The following NSD2 variants were observed in gnomAD, a reference collection of about 807,000 sequenced individuals.
NSD2 encodes nuclear receptor binding SET domain protein 2.
Under a neutral mutation model 139.0 loss-of-function variants are expected in NSD2, and 12 were observed. That is an observed-to-expected ratio of 0.09 (90% CI 0.06 to 0.14). The LOEUF is 0.14. Ranked by LOEUF, NSD2 falls within the 10% of genes least tolerant of loss-of-function variation. NSD2 has a pLI of 1.00. For synonymous variants in NSD2, 669 were observed against 648.7 expected (o/e 1.03, Z -0.48); for missense variants, 1,155 against 1,745.0 (o/e 0.66, Z 6.02).
Position 1,872,591 on chromosome 4 carries a change from TGAGAGAGAGAGAGA to T in NSD2, c.-30+1081_-30+1094del, listed in dbSNP as rs1200688066. On this transcript the variant is annotated intron_variant, in intron 1 of 21. Coordinates refer to ENST00000508803, the MANE Select transcript of NSD2 (RefSeq NM_001042424.3). ...GTGTGTGTGTGTGTGTGTGTGTGTG[TGAGAGAGAGAGAGA>T]GAGAGAGAGAGAGAGAGAGAGAGAG... Among the ~76,000 whole-genome samples the T allele has an allele frequency of 6.1e-3, 273 of 44,900 alleles. 1 individual carries two copies. The highest frequency in any genetic ancestry group is 0.015 in the African/African-American group (218 of 14,382). The allele number at this position is 44,900 out of a possible 152,430, so 29.5% of individuals were successfully genotyped here.
intron 2 of NSD2, 139 bp from the exon 3 acceptor site, chr4:1,904,076 TA>T: frequency 1.0e-6 from 1 of 975,958 alleles, no homozygotes; most frequent in Non-Finnish European, 1.5e-6. Context: ...GGCTATCATC[TA>T]AAACACAGCA....
rs111668967 is a variant in NSD2, at chr4:1,979,994, A to T, written c.*1085A>T. The T allele has an allele frequency of 0.01, 2,383 of 232,896 alleles. 53 individuals are homozygous for T. Among genetic ancestry groups the T allele is most frequent in the African/African-American group, 0.049 (2,247 of 45,424 alleles). The allele number at this position is 232,896 out of a possible 1,614,324, so 14.4% of individuals were successfully genotyped here. ...GGAGTCTAGCTCTCCTGCCACCCAGAGTGGCTTCCATCTCAGCACTCTGTG... is the reference window on the plus strand; with the variant it reads ...GGAGTCTAGCTCTCCTGCCACCCAGTGTGGCTTCCATCTCAGCACTCTGTG... On this transcript the variant is annotated 3_prime_UTR_variant, in exon 22 of 22. Coordinates refer to ENST00000508803, the MANE Select transcript of NSD2 (RefSeq NM_001042424.3).
In NSD2 at chr4:1,974,320, C is replaced by T. The variant is rs1018258177; in HGVS notation, c.3373-543C>T. ...CCGCCTCCCGGGTTCAAGTGATTCT[C>T]CTGCCTCAGCCTCCCGAGTAGCTGA... On this transcript the variant is annotated intron_variant, in intron 18 of 21. Coordinates refer to ENST00000508803, the MANE Select transcript of NSD2 (RefSeq NM_001042424.3). The surrounding 1 kb of genome is among the most constrained non-coding windows in gnomAD (Gnocchi z 4.0). 6.6e-6 allele frequency among the ~76,000 whole-genome samples: 1 copy of T among 152,006 alleles called. No homozygotes were observed. Among genetic ancestry groups the T allele is most frequent in the African/African-American group, 2.4e-5 (1 of 41,378 alleles).
chr4:1,899,029 A>G (rs1196865273), intron 1 of NSD2, among the ~76,000 whole-genome samples: 1 of 152,182 alleles, frequency 6.6e-6, no homozygotes. Flanking sequence ...ACCTTGGGAC[A>G]GTTGGTATGA....
chr4:1,967,656 A>G (rs1318127786), intron 18 of NSD2, among the ~76,000 whole-genome samples: 1 of 152,064 alleles, frequency 6.6e-6, no homozygotes, highest in Admixed American at 6.6e-5. Flanking sequence ...GTTGCCAGAC[A>G]CTGAGGTTTC....
Position 1,981,669 on chromosome 4 carries a change from T to C in NSD2, c.*2760T>C, listed in dbSNP as rs1037365980. The C allele has an allele frequency of 1.3e-5, 5 of 393,310 alleles. No homozygotes were observed. Among genetic ancestry groups the C allele is most frequent in the African/African-American group, 8.2e-5 (4 of 48,564 alleles). 24.4% of individuals were successfully genotyped at this position (393,310 alleles called of 1,614,324 possible). A position where few individuals can be genotyped will look rare whatever the true frequency, so the allele number is the denominator to read the frequency against. Reference sequence around the variant, plus strand: ...CCTTTCTTCCGGCGACACCCGTCCATGGCTGGCTGGGTCCCCTTCGCAGTG... The same window carrying C: ...CCTTTCTTCCGGCGACACCCGTCCACGGCTGGCTGGGTCCCCTTCGCAGTG... On this transcript the variant is annotated 3_prime_UTR_variant, in exon 22 of 22. Transcript: ENST00000508803.
At chr4:1,952,624 C>T (rs1365286011) in intron 11 of NSD2, 1 of 832,728 alleles carries the variant, frequency 1.2e-6, no homozygotes, top group Non-Finnish European at 1.5e-6. Context: ...ACACTGAAGT[C>T]CATAGGAACA....
rs1560805786 is a variant in NSD2 at position 1,973,469 on chromosome 4, G to A, written c.3373-1394G>A. 6.6e-6 allele frequency among the ~76,000 whole-genome samples: 1 copy of A among 152,248 alleles called. No homozygotes were observed. The highest frequency in any genetic ancestry group is 1.5e-5 in the Non-Finnish European group (1 of 68,046). On this transcript the variant is annotated intron_variant, in intron 18 of 21. Coordinates refer to ENST00000508803, the MANE Select transcript of NSD2 (RefSeq NM_001042424.3). This position sits in a 1 kb window ranked among gnomAD's most constrained non-coding sequence, Gnocchi z 5.5. ...TCAGCACCGCGGCTCAGCGCGTCAT[G>A]ACAAAGCATCTGCAGAGGGCAGATG...
intron 5 of NSD2, among the ~76,000 whole-genome samples, chr4:1,920,865 T>TA (rs1384343827): frequency 6.7e-4 from 98 of 145,364 alleles, no homozygotes; most frequent in East Asian, 1.2e-3. Flanking sequence ...ACCCTGTCTC[T>TA]AAAAAAAAAA....
At position 1,956,050 on chromosome 4, in the gene NSD2, A is replaced by G. The variant is rs1432275472; in HGVS notation, c.2743A>G (p.Ile915Val). 1.2e-6 allele frequency: 2 copies of G among 1,614,034 alleles called. No homozygotes were observed. The highest frequency in any genetic ancestry group is 2.2e-5 in the South Asian group (2 of 91,084). ...PPNIQKMKHE[I>V]GEFPVFFFGS... ...AAATATTCAGAAAATGAAGCACGAG[A>G]TTGGAGAATTCCCTGTGTTTTTCTT... Residue 915 changes from isoleucine to valine, a missense_variant, in exon 15 of 22, where the codon ATT becomes GTT. Ile to Val is a conservative substitution (Grantham distance 29). Around this residue, in one of 8 missense-constraint regions of NSD2, gnomAD observed 139 missense variants for 485.8 expected, o/e 0.29. Transcript: ENST00000508803. The surrounding 1 kb of genome is among the most constrained non-coding windows in gnomAD (Gnocchi z 5.3).
chr4:1,978,476 G>A (rs1481335086), intron 21 of NSD2, among the ~76,000 whole-genome samples, 162 bp from the exon 22 acceptor site: 21 of 152,204 alleles, frequency 1.4e-4, no homozygotes, highest in Admixed American at 1.3e-3. Flanking sequence ...CAGGGAGCCC[G>A]CCCGGGCTGT....
intron 8 of NSD2, 111 bp downstream of exon 8, chr4:1,938,643 G>T (rs915241354): frequency 1.2e-6 from 1 of 814,014 alleles, no homozygotes; most frequent in Non-Finnish European, 1.9e-6. Context: ...GGGGAACAGG[G>T]CAGGGGAGGA....
At chr4:1,957,893 A>G in intron 15 of NSD2, 40 bp from the exon 16 acceptor site, 3 of 1,577,832 alleles carry the variant, frequency 1.9e-6, no homozygotes, top group Non-Finnish European at 1.7e-6. Context: ...AGTTACCTGT[A>G]TTTACTAAAA....
At chr4:1,894,417 G>A (rs1169994402) in intron 1 of NSD2, among the ~76,000 whole-genome samples, 1 of 151,936 alleles carries the variant, frequency 6.6e-6, no homozygotes, top group Non-Finnish European at 1.5e-5. Context: ...AAATTTGTTG[G>A]CTGGCTGAGG....
At chr4:1,918,072 G>A in intron 4 of NSD2, 69 bp from the exon 5 acceptor site, 3 of 1,536,110 alleles carry the variant, frequency 2.0e-6, no homozygotes, top group Non-Finnish European at 1.7e-6. Flanking sequence ...TGAATCATGT[G>A]CCTAGGAAAA....
intron 1 of NSD2, among the ~76,000 whole-genome samples, chr4:1,883,434 C>A (rs547921985): frequency 2.4e-4 from 36 of 152,090 alleles, no homozygotes; most frequent in African/African-American, 8.2e-4. Flanking sequence ...GAGTTCAAGA[C>A]CAGCCTGGCC....
At chr4:1,924,028 G>C (rs1720523743) in intron 5 of NSD2, among the ~76,000 whole-genome samples, 1 of 152,154 alleles carries the variant, frequency 6.6e-6, no homozygotes, top group Admixed American at 6.6e-5. Context: ...TATCCAGGCA[G>C]GAGCCATTAA....
intron 1 of NSD2, among the ~76,000 whole-genome samples, chr4:1,884,235 A>G (rs960124525): frequency 2.0e-5 from 3 of 151,472 alleles, no homozygotes; most frequent in Non-Finnish European, 4.4e-5. Context: ...AGCTGGGACT[A>G]TGGGTGCATG....
chr4:1,922,103 C>T (rs566387782), intron 5 of NSD2, among the ~76,000 whole-genome samples: 2 of 152,294 alleles, frequency 1.3e-5, no homozygotes, highest in South Asian at 2.1e-4. Flanking sequence ...GCTGAGATCA[C>T]ACTACTGCAC....
Sources: allele counts gnomAD v4.1 joint callset (sites outside exome capture counted in the v4.1 genomes callset), GRCh38; gene constraint gnomAD v4.1.1; regional missense constraint gnomAD v4.1.1; non-coding constraint Gnocchi (gnomAD v3.1); transcripts MANE v1.5; gene names NCBI Gene and HGNC (gene_info 2026-07-23, HGNC 2026-07-21).